The following MBD5 variants were observed in gnomAD, a reference collection of about 807,000 sequenced individuals.
MBD5 encodes the protein methyl-CpG binding domain protein 5.
In MBD5, 13 loss-of-function variants were observed where a neutral mutation model predicts 117.3. That is an observed-to-expected ratio of 0.11 (90% CI 0.07 to 0.18). The LOEUF is 0.18. Ranked by LOEUF, MBD5 falls within the 10% of genes least tolerant of loss-of-function variation. The pLI is 1.00. For synonymous variants in MBD5, 727 were observed against 766.4 expected (o/e 0.95, Z 0.85); for missense variants, 1,879 against 2,093.8 (o/e 0.90, Z 2.00).
At chr2:148,379,027 A>G (rs1409485639) in intron 4 of MBD5, among the ~76,000 whole-genome samples, 2 of 152,092 alleles carry the variant, frequency 1.3e-5, no homozygotes, top group Admixed American at 1.3e-4. Context: ...GTAGACTAAA[A>G]TGTGAAATTC....
chr2:148,337,190 A>ATT (rs752440025), intron 3 of MBD5, among the ~76,000 whole-genome samples: 13 of 152,150 alleles, frequency 8.5e-5, no homozygotes, highest in Non-Finnish European at 1.6e-4. Context: ...AGTAGCCCGT[A>ATT]CCTTATTTAT....
At position 148,503,378 on chromosome 2, in the gene MBD5, C is replaced by A. The variant is rs144957173; in HGVS notation, c.5036+869C>A. Reference sequence around the variant, plus strand: ...TGTATTGTCGTCTTTCTAAAAATACCATTTTAACTTCTGTTTGTACATCAA... The same window carrying A: ...TGTATTGTCGTCTTTCTAAAAATACAATTTTAACTTCTGTTTGTACATCAA... On this transcript the variant is annotated intron_variant, in intron 12 of 13. Coordinates refer to ENST00000642680, the MANE Select transcript of MBD5 (RefSeq NM_001378120.1). 5.3e-5 allele frequency among the ~76,000 whole-genome samples: 8 copies of A among 152,188 alleles called. No homozygotes were observed. The East Asian group carries it at 9.6e-4, about 18-fold the overall frequency.
chr2:148,121,408 GT>G (rs1248400627), intron 1 of MBD5, among the ~76,000 whole-genome samples: 56 of 147,788 alleles, frequency 3.8e-4, no homozygotes, highest in Non-Finnish European at 6.5e-4. Flanking sequence ...TAACTTTTGG[GT>G]TTTTTTTTTC....
intron 4 of MBD5, among the ~76,000 whole-genome samples, chr2:148,409,717 C>T (rs1034896444): frequency 6.6e-6 from 1 of 152,104 alleles, no homozygotes; most frequent in African/African-American, 2.4e-5. Flanking sequence ...GGAAGAAAAT[C>T]TCAAGGTATT....
intron 3 of MBD5, among the ~76,000 whole-genome samples, chr2:148,338,585 G>C (rs761500538): frequency 6.6e-6 from 1 of 152,090 alleles, no homozygotes; most frequent in Non-Finnish European, 1.5e-5. Flanking sequence ...ATGTCAGTGG[G>C]GAAATGACAT....
At position 148,262,552 on chromosome 2, in the gene MBD5, T is replaced by TA. The variant is rs200590603; in HGVS notation, c.-680+29164dup. On this transcript the variant is annotated intron_variant, in intron 3 of 13. Transcript: ENST00000642680. ...AGATGCTTTTGTCATTTCAGTTTTATAAAAAAACTGAGCCCTGTGGAAATA... is the reference window on the plus strand; with the variant it reads ...AGATGCTTTTGTCATTTCAGTTTTATAAAAAAAACTGAGCCCTGTGGAAATA... Among the ~76,000 whole-genome samples, 125 of 151,894 alleles carry TA rather than the reference T, an allele frequency of 8.2e-4. No homozygotes were observed. The East Asian group carries it at 0.019, about 23-fold the overall frequency.
chr2:148,329,953 A>T (rs1298069649), intron 3 of MBD5, among the ~76,000 whole-genome samples: 1 of 151,602 alleles, frequency 6.6e-6, no homozygotes, highest in Admixed American at 6.6e-5. Flanking sequence ...TATATCTATC[A>T]TATCAGTTCA....
chr2:148,256,314 G>A (rs1383349906), intron 3 of MBD5, among the ~76,000 whole-genome samples: 3 of 152,246 alleles, frequency 2.0e-5, no homozygotes, highest in Non-Finnish European at 2.9e-5. Context: ...CACATCTCAT[G>A]TAGGTGCCGA....
At chr2:148,174,439 A>G (rs1338781282) in intron 1 of MBD5, among the ~76,000 whole-genome samples, 1 of 152,176 alleles carries the variant, frequency 6.6e-6, no homozygotes, top group Non-Finnish European at 1.5e-5. Flanking sequence ...CAACGAAAAC[A>G]AAAATAGATA....
At chr2:148,407,590 A>G (rs745795313) in intron 4 of MBD5, among the ~76,000 whole-genome samples, 16 of 152,144 alleles carry the variant, frequency 1.1e-4, no homozygotes, top group Non-Finnish European at 1.9e-4. Context: ...CACTCATATT[A>G]TAATATCCTG....
chr2:148,447,211 G>GAAAGAA (rs2105454487), intron 4 of MBD5, among the ~76,000 whole-genome samples: 1 of 18,108 alleles, frequency 5.5e-5, no homozygotes, highest in African/African-American at 7.4e-5. Context: ...AAGAAAGAAA[G>GAAAGAA]AAAGAAAGAA....
At chr2:148,201,303 TG>T (rs1344745832) in intron 2 of MBD5, among the ~76,000 whole-genome samples, 1 of 151,974 alleles carries the variant, frequency 6.6e-6, no homozygotes, top group Non-Finnish European at 1.5e-5. Flanking sequence ...CTGGACCAGG[TG>T]TGTTGCAAGT....
intron 1 of MBD5, among the ~76,000 whole-genome samples, chr2:148,124,917 G>A (rs1351569060): frequency 1.3e-5 from 2 of 150,628 alleles, no homozygotes; most frequent in South Asian, 2.1e-4. Context: ...ATGTATCAAA[G>A]AAAATATAGT....
intron 3 of MBD5, among the ~76,000 whole-genome samples, chr2:148,287,755 G>A (rs975588006): frequency 6.6e-6 from 1 of 152,132 alleles, no homozygotes; most frequent in Non-Finnish European, 1.5e-5. Context: ...GCAAGAGAGT[G>A]TCAAACTCAC....
At chr2:148,306,854 C>G (rs1343509767) in intron 3 of MBD5, among the ~76,000 whole-genome samples, 1 of 152,104 alleles carries the variant, frequency 6.6e-6, no homozygotes, top group Non-Finnish European at 1.5e-5. Context: ...AGGATTTTGG[C>G]AAAGTCCTAT....
chr2:148,113,370 T>A (rs1696547753), intron 1 of MBD5, among the ~76,000 whole-genome samples: 1 of 152,230 alleles, frequency 6.6e-6, no homozygotes, highest in Admixed American at 6.5e-5. Flanking sequence ...ACTTTTTTTT[T>A]AACAGTACTT....
chr2:148,417,792 C>G (rs1322054172), intron 4 of MBD5, among the ~76,000 whole-genome samples: 3 of 151,606 alleles, frequency 2.0e-5, no homozygotes, highest in Non-Finnish European at 4.4e-5. Context: ...CATTTGCCCA[C>G]TTTTTAATGG....
intron 1 of MBD5, among the ~76,000 whole-genome samples, chr2:148,152,929 G>T (rs1213652919): frequency 2.0e-5 from 3 of 151,708 alleles, no homozygotes; most frequent in Non-Finnish European, 4.4e-5. Context: ...GGAGCATTTA[G>T]TCCATTTACA....
Position 148,490,223 on chromosome 2 carries a change from A to T in MBD5, c.4591A>T (p.Ser1531Cys). The change falls in exon 11 of 14, where the codon AGT becomes TGT. Residue 1531 changes from serine (S) to cysteine (C), a missense_variant. Ser to Cys is a moderately radical substitution (Grantham distance 112). This residue lies in a region of MBD5 where 1,666 missense variants were observed against 1,792.2 expected (regional missense o/e 0.93). Transcript: ENST00000642680. ...AHINGNRPRQSRGFGELLSTA... is the reference protein window; with the variant it reads ...AHINGNRPRQCRGFGELLSTA... ...CATAAATGGGAATAGACCTCGACAG[A>T]GTCGGGGATTTGGAGAGCTGCTAAG... The T allele has an allele frequency of 6.2e-7, 1 of 1,614,216 alleles. No individual in the cohort carries two copies.
Sources: allele counts gnomAD v4.1 joint callset (sites outside exome capture counted in the v4.1 genomes callset), GRCh38; gene constraint gnomAD v4.1.1; regional missense constraint gnomAD v4.1.1; transcripts MANE v1.5; gene names NCBI Gene and HGNC (gene_info 2026-07-23, HGNC 2026-07-21).